CPED1: variants seen among roughly 807,000 people sequenced by gnomAD.
CPED1 encodes the protein cadherin-like and PC-esterase domain-containing protein 1.
In CPED1, 114 loss-of-function variants were observed where a neutral mutation model predicts 128.2. That is an observed-to-expected ratio of 0.89 (90% CI 0.76 to 1.04). The LOEUF (loss-of-function observed/expected upper bound fraction) is 1.04. CPED1 is among the 50% of genes least tolerant of loss of function. The pLI is 0.00. For missense variants in CPED1, 1,211 were observed against 1,207.1 expected (o/e 1.00, Z -0.05); for synonymous variants, 462 against 426.7 (o/e 1.08, Z -1.02).
rs1795611075 is a variant in CPED1 at position 121,129,548 on chromosome 7, A to C, written c.1408-577A>C. 1.3e-5 allele frequency among the ~76,000 whole-genome samples: 2 copies of C among 151,640 alleles called. 1 individual carries two copies. Among genetic ancestry groups the C allele is most frequent in the African/African-American group, 4.8e-5 (2 of 41,356 alleles). ...ATTACATTCACAACAGTTTGACTAA[A>C]TACTATAAAAAGATAATAAAAGGGA... is the stretch of plus-strand genomic sequence containing the variant. On this transcript the variant is annotated intron_variant, in intron 11 of 22. Transcript: ENST00000310396.
intron 2 of CPED1, among the ~76,000 whole-genome samples, chr7:121,009,765 C>G (rs948697144): frequency 6.6e-6 from 1 of 152,082 alleles, no homozygotes; most frequent in Admixed American, 6.5e-5. Context: ...TCTGAGACCA[C>G]AATGTCTAAG....
chr7:121,186,892 C>T (rs1231437484), intron 16 of CPED1, among the ~76,000 whole-genome samples: 1 of 152,148 alleles, frequency 6.6e-6, no homozygotes, highest in African/African-American at 2.4e-5. Context: ...TGTGCTGGGT[C>T]ATCGTACTTC....
chr7:121,152,748 A>T (rs1796187760), intron 16 of CPED1, among the ~76,000 whole-genome samples: 1 of 152,220 alleles, frequency 6.6e-6, no homozygotes, highest in Admixed American at 6.5e-5. Context: ...TTTCCATTGA[A>T]GTCTAGTAAA....
intron 16 of CPED1, among the ~76,000 whole-genome samples, chr7:121,236,405 C>T (rs1798255697): frequency 6.6e-6 from 1 of 152,204 alleles, no homozygotes; most frequent in South Asian, 2.1e-4. Context: ...TTTCCACTTG[C>T]TGTATTGTCC....
intron 7 of CPED1, among the ~76,000 whole-genome samples, chr7:121,104,844 C>T (rs1008979831): frequency 8.5e-5 from 13 of 152,072 alleles, no homozygotes; most frequent in African/African-American, 3.1e-4. Context: ...CTGCTATAAG[C>T]CAGCCACTCT....
intron 2 of CPED1, among the ~76,000 whole-genome samples, chr7:121,013,814 A>G (rs1182208945): frequency 3.9e-5 from 6 of 152,218 alleles, no homozygotes; most frequent in African/African-American, 9.7e-5. Flanking sequence ...AGGATTTACA[A>G]TCTAACCCTG....
Position 121,139,189 on chromosome 7 carries a change from C to T in CPED1, c.1700-1638C>T, listed in dbSNP as rs114821052. ...TTTCATTGACCATTAGGTCAAATTA[C>T]AAGTAAAATTAATGAAGCAGAGAGT... On this transcript the variant is annotated intron_variant, in intron 14 of 22. Transcript: ENST00000310396. 1.1e-3 allele frequency among the ~76,000 whole-genome samples: 166 copies of T among 152,018 alleles called. 1 individual carries two copies. Among genetic ancestry groups the T allele is most frequent in the African/African-American group, 3.7e-3 (152 of 41,508 alleles).
chr7:121,018,026 C>G (rs1460860240), intron 3 of CPED1, among the ~76,000 whole-genome samples: 4 of 152,108 alleles, frequency 2.6e-5, no homozygotes, highest in African/African-American at 7.2e-5. Context: ...CTGGACAGGT[C>G]TCAAGAAAGG....
At chr7:121,118,009 A>G (rs1460523092) in intron 7 of CPED1, among the ~76,000 whole-genome samples, 1 of 152,104 alleles carries the variant, frequency 6.6e-6, no homozygotes, top group African/African-American at 2.4e-5. Context: ...ATCCTTCACA[A>G]TTCAGGTTGC....
At chr7:121,236,273 A>G (rs890550790) in intron 16 of CPED1, among the ~76,000 whole-genome samples, 2 of 152,164 alleles carry the variant, frequency 1.3e-5, no homozygotes, top group African/African-American at 2.4e-5. Context: ...AATAAAATAC[A>G]TGCATCTGAT....
chr7:121,196,983 T>C (rs567152311), intron 16 of CPED1, among the ~76,000 whole-genome samples: 140 of 152,222 alleles, frequency 9.2e-4, no homozygotes, highest in African/African-American at 3.3e-3. Flanking sequence ...GTTAAGGATA[T>C]CAAATATAAA....
Position 121,110,506 on chromosome 7 carries a change from C to T in CPED1, c.918+10412C>T, listed in dbSNP as rs540285523. 3.3e-5 allele frequency among the ~76,000 whole-genome samples: 5 copies of T among 152,216 alleles called. No homozygotes were observed. The East Asian group carries it at 9.7e-4, about 29-fold the overall frequency. On this transcript the variant is annotated intron_variant, in intron 7 of 22. Coordinates refer to ENST00000310396, the MANE Select transcript of CPED1 (RefSeq NM_024913.5). ...TCTGAGCTATAATTCTGTGATGAGACTAAGTGCCATTTCAAGAGATGACAG... is the reference window on the plus strand; with the variant it reads ...TCTGAGCTATAATTCTGTGATGAGATTAAGTGCCATTTCAAGAGATGACAG...
chr7:121,086,560 T>G (rs1157844553), intron 5 of CPED1, among the ~76,000 whole-genome samples: 1 of 152,104 alleles, frequency 6.6e-6, no homozygotes, highest in Admixed American at 6.5e-5. Context: ...TGGGCACTAG[T>G]GAGAAACATG....
At chr7:121,034,565 G>C (rs930949220) in intron 3 of CPED1, among the ~76,000 whole-genome samples, 4 of 152,022 alleles carry the variant, frequency 2.6e-5, no homozygotes, top group African/African-American at 9.7e-5. Context: ...TATTTTATAA[G>C]TGACACTAAG....
intron 3 of CPED1, among the ~76,000 whole-genome samples, chr7:121,027,850 G>A (rs1159843467): frequency 2.0e-5 from 3 of 151,794 alleles, no homozygotes; most frequent in East Asian, 3.9e-4. Context: ...ACAACAAAAT[G>A]TTCCATTTAG....
chr7:121,270,760 C>T (rs184837408), intron 21 of CPED1, among the ~76,000 whole-genome samples: 195 of 152,106 alleles, frequency 1.3e-3, no homozygotes, highest in South Asian at 7.9e-3. Flanking sequence ...CAAAACCATG[C>T]TGTTTTGGTT....
chr7:121,233,876 C>T (rs1798192168), intron 16 of CPED1, among the ~76,000 whole-genome samples: 1 of 152,034 alleles, frequency 6.6e-6, no homozygotes, highest in Admixed American at 6.6e-5. Context: ...TCCACAGCAT[C>T]ACCAATACCC....
chr7:121,150,320 C>A (rs550808202), intron 16 of CPED1, among the ~76,000 whole-genome samples: 3 of 151,886 alleles, frequency 2.0e-5, no homozygotes, highest in Admixed American at 2.0e-4. Flanking sequence ...TTTGTTCCTG[C>A]ATCAATTCCC....
intron 18 of CPED1, among the ~76,000 whole-genome samples, chr7:121,253,657 T>G (rs1014294738): frequency 6.6e-6 from 1 of 151,972 alleles, no homozygotes; most frequent in Non-Finnish European, 1.5e-5. Context: ...AAGATAAGAC[T>G]CAACCATTTT....
Sources: gnomAD v4.1 joint callset for allele counts (sites outside exome capture counted in the v4.1 genomes callset) on GRCh38, gnomAD v4.1.1 for gene constraint, MANE v1.5 for transcripts, NCBI Gene and HGNC (gene_info 2026-07-23, HGNC 2026-07-21) for gene names.